Variants in SHROOM3 observed in about 807,000 individuals in gnomAD.
SHROOM3 encodes shroom family member 3.
SHROOM3 carries 47 observed loss-of-function variants against 138.6 expected under a neutral mutation model. The observed-to-expected ratio is 0.34, with a 90% CI of 0.27 to 0.43. The LOEUF (loss-of-function observed/expected upper bound fraction) is 0.43, where lower values mean the gene tolerates loss of function less well. SHROOM3 is among the 20% of genes least tolerant of loss of function. The probability of loss-of-function intolerance (pLI) is 1.00; values close to 1 mark genes in which losing one functional copy is unlikely to be tolerated. For missense variants in SHROOM3, 2,491 were observed against 2,596.5 expected, an observed-to-expected ratio of 0.96 and a Z score of 0.88; for synonymous variants, 1,062 against 1,063.3, an observed-to-expected ratio of 1.00 and a Z score of 0.02.
intron 10 of SHROOM3, among the ~76,000 whole-genome samples, chr4:76,778,331 C>T (rs1300222606): frequency 6.6e-6 from 1 of 151,756 alleles, no homozygotes; most frequent in Non-Finnish European, 1.5e-5. Context: ...AAGCAATTCT[C>T]ATGCCTCAGC....
intron 5 of SHROOM3, among the ~76,000 whole-genome samples, chr4:76,747,956 ACATACCCTG>A (rs1379894268): frequency 2.0e-5 from 3 of 152,200 alleles, no homozygotes; most frequent in African/African-American, 7.2e-5. Context: ...AGCTGCAATT[ACATACCCTG>A]CTTCCAATTG....
intron 9 of SHROOM3, among the ~76,000 whole-genome samples, chr4:76,768,554 A>G (rs1188245544): frequency 6.6e-6 from 1 of 152,246 alleles, no homozygotes; most frequent in Non-Finnish European, 1.5e-5. Context: ...TCTGTTACCC[A>G]GGCTGGAGTA....
chr4:76,743,200 T>C lies in SHROOM3; in HGVS notation c.3753+1274T>C, dbSNP rs1301054463. On this transcript the variant is annotated intron_variant, in intron 5 of 10. Transcript: ENST00000296043. ...AGAGATTAGGGGAGAGGGGATGCAT[T>C]GATGGGAAGAAACCAGTTCAGACAA... 2.6e-5 allele frequency among the ~76,000 whole-genome samples: 4 copies of C among 152,144 alleles called. No individual in the cohort carries two copies. In the East Asian group the frequency reaches 5.8e-4, roughly 22 times the overall value.
At chr4:76,466,729 G>C (rs894015837) in intron 1 of SHROOM3, among the ~76,000 whole-genome samples, 1 of 151,970 alleles carries the variant, frequency 6.6e-6, no homozygotes, top group African/African-American at 2.4e-5. Flanking sequence ...AAAATACTCA[G>C]ACTAAACAAA....
chr4:76,654,619 G>T (rs1224215153), intron 2 of SHROOM3, among the ~76,000 whole-genome samples: 1 of 152,072 alleles, frequency 6.6e-6, no homozygotes, highest in East Asian at 1.9e-4. Flanking sequence ...AGGTGATGAG[G>T]GCTTGACCTA....
chr4:76,629,515 G>A (rs999898563), intron 2 of SHROOM3, among the ~76,000 whole-genome samples: 46 of 152,314 alleles, frequency 3.0e-4, no homozygotes, highest in African/African-American at 1.0e-3. Flanking sequence ...AATCACTCTG[G>A]CTATGAAGAC....
At chr4:76,620,537 G>T (rs995261548) in intron 2 of SHROOM3, among the ~76,000 whole-genome samples, 1 of 152,196 alleles carries the variant, frequency 6.6e-6, no homozygotes, top group Admixed American at 6.5e-5. Flanking sequence ...GCCAAGGGAA[G>T]AAAGTTTTAG....
At position 76,762,262 on chromosome 4, in the gene SHROOM3, C is replaced by T. The variant is rs7659895; in HGVS notation, c.5349+2567C>T. Among the ~76,000 whole-genome samples the T allele has an allele frequency of 2.2e-3, 337 of 152,232 alleles. 3 individuals are homozygous for T. The highest frequency in any genetic ancestry group is 7.9e-3 in the African/African-American group (328 of 41,530). On this transcript the variant is annotated intron_variant, in intron 9 of 10. Transcript: ENST00000296043. Reference sequence around the variant, plus strand: ...CTTTTTGAGCTGCAGGGTGTAAGAGCATATAATATCTTAACAGAGAAGTGT... The same window carrying T: ...CTTTTTGAGCTGCAGGGTGTAAGAGTATATAATATCTTAACAGAGAAGTGT...
intron 2 of SHROOM3, among the ~76,000 whole-genome samples, chr4:76,563,877 C>CA (rs1042926427): frequency 6.6e-6 from 1 of 152,106 alleles, no homozygotes; most frequent in Admixed American, 6.5e-5. Context: ...TTTCAAGACA[C>CA]AAAAAAAGGC....
At chr4:76,602,923 T>A (rs751181188) in intron 2 of SHROOM3, among the ~76,000 whole-genome samples, 54 of 152,178 alleles carry the variant, frequency 3.5e-4, no homozygotes, top group Non-Finnish European at 5.6e-4. Context: ...ATTGAATGAG[T>A]TATGCATGTA....
chr4:76,458,374 T>G (rs145406418), intron 1 of SHROOM3, among the ~76,000 whole-genome samples: 1 of 152,184 alleles, frequency 6.6e-6, no homozygotes, highest in Admixed American at 6.5e-5. Flanking sequence ...TTTTCCTCTT[T>G]TGTATCTTTT....
intron 2 of SHROOM3, among the ~76,000 whole-genome samples, chr4:76,619,293 A>G (rs1206988787): frequency 6.6e-6 from 1 of 152,190 alleles, no homozygotes; most frequent in Non-Finnish European, 1.5e-5. Flanking sequence ...TTTGAATGAA[A>G]AATGATTTAC....
intron 1 of SHROOM3, among the ~76,000 whole-genome samples, chr4:76,522,362 A>G (rs1732584152): frequency 6.6e-6 from 1 of 151,168 alleles, no homozygotes. Flanking sequence ...GAATATCTTT[A>G]TTCTTAGGAG....
intron 2 of SHROOM3, among the ~76,000 whole-genome samples, chr4:76,674,343 T>C (rs1356148010): frequency 6.6e-6 from 1 of 152,172 alleles, no homozygotes; most frequent in Non-Finnish European, 1.5e-5. Context: ...TTATCTTTTC[T>C]TCTCTCCTAC....
intron 2 of SHROOM3, among the ~76,000 whole-genome samples, chr4:76,699,991 C>T (rs924289141): frequency 6.6e-6 from 1 of 152,118 alleles, no homozygotes; most frequent in East Asian, 1.9e-4. Flanking sequence ...AATTCCCATT[C>T]GAATGAGACA....
chr4:76,552,254 C>G lies in SHROOM3; in HGVS notation c.169-3355C>G, dbSNP rs184318421. On this transcript the variant is annotated intron_variant, in intron 1 of 10. Coordinates refer to ENST00000296043, the MANE Select transcript of SHROOM3 (RefSeq NM_020859.4). The stretch of plus-strand genomic sequence containing the variant: ...AGGCACAGTGGCTCATGCCTGTAAT[C>G]TCACCACTTTGGGAGGCCAAAGTGG... Among the ~76,000 whole-genome samples the G allele has an allele frequency of 1.2e-3, 184 of 150,690 alleles. 2 individuals are homozygous for G. The East Asian group carries it at 0.034, about 28-fold the overall frequency.
chr4:76,612,031 C>T (rs1378713887), intron 2 of SHROOM3, among the ~76,000 whole-genome samples: 1 of 152,172 alleles, frequency 6.6e-6, no homozygotes, highest in African/African-American at 2.4e-5. Context: ...CTTTCTGATC[C>T]AAACCCCCTG....
chr4:76,440,537 A>T (rs1256402363), intron 1 of SHROOM3, among the ~76,000 whole-genome samples: 1 of 152,236 alleles, frequency 6.6e-6, no homozygotes, highest in African/African-American at 2.4e-5. Context: ...AAGATTCCAT[A>T]AAATAGGTCT....
intron 2 of SHROOM3, chr4:76,688,544 T>C: frequency 1.0e-6 from 1 of 985,340 alleles, no homozygotes; most frequent in Non-Finnish European, 1.2e-6. Flanking sequence ...GTTACTTTCA[T>C]CTCTGGAGGT....
Sources: allele counts gnomAD v4.1 joint callset (sites outside exome capture counted in the v4.1 genomes callset), GRCh38; gene constraint gnomAD v4.1.1; transcripts MANE v1.5; gene names NCBI Gene and HGNC (gene_info 2026-07-23, HGNC 2026-07-21).